OVCH1: variants seen among roughly 807,000 people sequenced by gnomAD.
OVCH1 encodes the protein ovochymase 1, also known as ovochymase-1.
A neutral mutation model predicts 138.4 loss-of-function variants in OVCH1; 139 were observed. The ratio of observed to expected loss-of-function variants is 1.00; its 90% confidence interval spans 0.87 to 1.16. The LOEUF (loss-of-function observed/expected upper bound fraction) is 1.16. Among genes scored for constraint, OVCH1 ranks in the 50% most tolerant of loss-of-function variants. The probability of loss-of-function intolerance (pLI) is 0.00; values close to 1 mark genes in which losing one functional copy is unlikely to be tolerated. For synonymous variants in OVCH1, 453 were observed against 467.8 expected, an observed-to-expected ratio of 0.97 and a Z score of 0.41; for missense variants, 1,367 against 1,357.9, an observed-to-expected ratio of 1.01 and a Z score of -0.11.
At chr12:29,455,555 C>T in intron 19 of OVCH1, 150 bp from the exon 20 acceptor site, 4 of 934,440 alleles carry the variant, frequency 4.3e-6, no homozygotes, top group Non-Finnish European at 6.0e-6. Context: ...TACATACTAT[C>T]TATTCACTGT....
chr12:29,443,580 A>G (rs1157896116), intron 24 of OVCH1, 80 bp from the exon 25 acceptor site: 22 of 1,354,130 alleles, frequency 1.6e-5, no homozygotes, highest in Non-Finnish European at 2.0e-5. Flanking sequence ...AAATTAATGC[A>G]TCAATGTTAT....
chr12:29,465,346 T>C (rs1472287546), intron 16 of OVCH1, 127 bp from the exon 17 acceptor site: 9 of 762,202 alleles, frequency 1.2e-5, no homozygotes, highest in Non-Finnish European at 1.8e-5. Flanking sequence ...AAGAGGTTTA[T>C]GAAGAAGAGG....
At chr12:29,443,632 G>T in intron 24 of OVCH1, 132 bp from the exon 25 acceptor site, 1 of 908,640 alleles carries the variant, frequency 1.1e-6, no homozygotes, top group East Asian at 2.8e-5. Context: ...GTTTCCTTAT[G>T]GTTGTGAGAG....
At chr12:29,470,545 A>T (rs1323419458) in intron 16 of OVCH1, among the ~76,000 whole-genome samples, 1 of 152,134 alleles carries the variant, frequency 6.6e-6, no homozygotes, top group African/African-American at 2.4e-5. Flanking sequence ...AAAGGAGATG[A>T]TCTCATTCTT....
downstream of OVCH1, among the ~76,000 whole-genome samples, chr12:29,424,508 A>G (rs1044085190): frequency 1.3e-5 from 2 of 152,236 alleles, no homozygotes; most frequent in Non-Finnish European, 2.9e-5. Flanking sequence ...GTTTGGGAGC[A>G]TAAGGCGGTA....
At chr12:29,465,308 A>G (rs2135985811) in intron 16 of OVCH1, 89 bp from the exon 17 acceptor site, 1 of 1,099,856 alleles carries the variant, frequency 9.1e-7, no homozygotes, top group African/African-American at 1.6e-5. Context: ...CTGAGACTAT[A>G]AAGTCTTTCT....
At chr12:29,458,944 C>T (rs1428539526) in intron 19 of OVCH1, among the ~76,000 whole-genome samples, 2 of 152,186 alleles carry the variant, frequency 1.3e-5, no homozygotes, top group African/African-American at 2.4e-5. Flanking sequence ...GATATCATCT[C>T]ACCCTAGTTA....
the OVCH1 span, among the ~76,000 whole-genome samples, chr12:29,407,365 A>T: frequency 1.4e-5 from 2 of 142,828 alleles, no homozygotes; most frequent in Non-Finnish European, 3.2e-5. Context: ...GGTGTTTCAG[A>T]CATGAAGTCC....
intron 4 of OVCH1, among the ~76,000 whole-genome samples, chr12:29,492,073 A>C (rs1351280522): frequency 6.6e-6 from 1 of 152,188 alleles, no homozygotes; most frequent in African/African-American, 2.4e-5. Context: ...GCTATGGAAA[A>C]ATAATAGGAT....
At chr12:29,441,616 C>T (rs1024352425) in intron 25 of OVCH1, among the ~76,000 whole-genome samples, 5 of 152,066 alleles carry the variant, frequency 3.3e-5, no homozygotes, top group African/African-American at 1.2e-4. Flanking sequence ...CCAAAATTGA[C>T]AAATGGGATC....
chr12:29,477,609 T>C (rs2136036367), intron 9 of OVCH1, 131 bp from the exon 11 acceptor site: 1 of 1,608,438 alleles, frequency 6.2e-7, no homozygotes, highest in Non-Finnish European at 8.5e-7. Flanking sequence ...AATGGTCCTT[T>C]GATCATTCAA....
intron 13 of OVCH1, 100 bp from the exon 14 acceptor site, chr12:29,475,289 T>C: frequency 1.3e-5 from 13 of 973,930 alleles, no homozygotes; most frequent in Non-Finnish European, 1.9e-5. Flanking sequence ...CTACTTTAGT[T>C]TTCTCCAACT....
chr12:29,489,888 GT>G, intron 5 of OVCH1, 117 bp from the exon 6 acceptor site: 1 of 1,110,500 alleles, frequency 9.0e-7, no homozygotes, highest in Non-Finnish European at 1.3e-6. Flanking sequence ...AGAAGTAATT[GT>G]TTTTAGGTGT....
chr12:29,479,278 T>G (rs1328222006), intron 8 of OVCH1, among the ~76,000 whole-genome samples: 1 of 152,196 alleles, frequency 6.6e-6, no homozygotes. Flanking sequence ...TTCACCTAAT[T>G]AAAATTCATA....
chr12:29,437,009 G>A (rs1362693759), intron 26 of OVCH1, among the ~76,000 whole-genome samples: 1 of 152,144 alleles, frequency 6.6e-6, no homozygotes, highest in Non-Finnish European at 1.5e-5. Flanking sequence ...ATTTTACAGA[G>A]TGCTGACTGG....
intron 16 of OVCH1, among the ~76,000 whole-genome samples, chr12:29,466,929 A>G (rs880267): frequency 0.2 from 30,052 of 152,102 alleles, 3,652 homozygotes; most frequent in African/African-American, 0.35. Flanking sequence ...TTATTTTTCA[A>G]TATACCTTAT....
chr12:29,483,839 C>T (rs1326979848), intron 8 of OVCH1, among the ~76,000 whole-genome samples: 4 of 151,816 alleles, frequency 2.6e-5, no homozygotes, highest in Non-Finnish European at 5.9e-5. Context: ...ATTTCAATGC[C>T]ATCTTTTCCA....
chr12:29,485,752 G>A (rs1943078982), intron 8 of OVCH1, among the ~76,000 whole-genome samples: 1 of 151,792 alleles, frequency 6.6e-6, no homozygotes, highest in Non-Finnish European at 1.5e-5. Context: ...CTCCAGCCTG[G>A]GGGACACAGC....
intron 16 of OVCH1, among the ~76,000 whole-genome samples, chr12:29,468,716 G>A (rs534384738): frequency 6.6e-6 from 1 of 152,214 alleles, no homozygotes; most frequent in African/African-American, 2.4e-5. Flanking sequence ...GAACCAGGTG[G>A]TACTGAATTA....
Sources: allele counts gnomAD v4.1 joint callset (sites outside exome capture counted in the v4.1 genomes callset), GRCh38; gene constraint gnomAD v4.1.1; transcripts MANE v1.5; gene names NCBI Gene and HGNC (gene_info 2026-07-23, HGNC 2026-07-21).